The following APBA1 variants were observed in gnomAD, a reference collection of about 807,000 sequenced individuals.
APBA1 encodes the protein amyloid-beta A4 precursor protein-binding family A member 1.
Under a neutral mutation model 86.6 loss-of-function variants are expected in APBA1, and 55 were observed. That is an observed-to-expected ratio of 0.64 (90% CI 0.51 to 0.80). The LOEUF (loss-of-function observed/expected upper bound fraction) is 0.80, where lower values mean the gene tolerates loss of function less well. APBA1 is among the 30% of genes least tolerant of loss of function. The pLI, the probability that APBA1 is intolerant of heterozygous loss-of-function variation, is 0.00. For synonymous variants in APBA1, 511 were observed against 493.9 expected (o/e 1.03, Z -0.46); for missense variants, 1,090 against 1,183.0 (o/e 0.92, Z 1.15).
chr9:69,642,764 T>C (rs1823313914), intron 1 of APBA1, among the ~76,000 whole-genome samples: 1 of 151,758 alleles, frequency 6.6e-6, no homozygotes, highest in Non-Finnish European at 1.5e-5. Flanking sequence ...CACTATAATA[T>C]AAGTGGGCTT....
At chr9:69,500,353 T>C (rs1031164454) in intron 2 of APBA1, among the ~76,000 whole-genome samples, 4 of 152,126 alleles carry the variant, frequency 2.6e-5, no homozygotes, top group African/African-American at 7.2e-5. Flanking sequence ...CATTTCCATA[T>C]AGGACTCGAT....
At chr9:69,542,032 T>A (rs996704556) in intron 1 of APBA1, among the ~76,000 whole-genome samples, 5 of 152,134 alleles carry the variant, frequency 3.3e-5, no homozygotes, top group Non-Finnish European at 2.9e-5. Flanking sequence ...GAAAATAGTT[T>A]AAAAATATAT....
At chr9:69,639,734 C>T (rs1040924270) in intron 1 of APBA1, among the ~76,000 whole-genome samples, 2 of 152,136 alleles carry the variant, frequency 1.3e-5, no homozygotes, top group Admixed American at 1.3e-4. Context: ...ATTTACTCTG[C>T]CTTGCTAGTA....
intron 1 of APBA1, among the ~76,000 whole-genome samples, chr9:69,623,553 C>T (rs1822869229): frequency 6.6e-6 from 1 of 152,134 alleles, no homozygotes; most frequent in African/African-American, 2.4e-5. Flanking sequence ...CCCAACCTCA[C>T]AATTTTGCAA....
intron 2 of APBA1, among the ~76,000 whole-genome samples, chr9:69,496,527 G>A (rs544803404): frequency 2.0e-5 from 3 of 152,046 alleles, no homozygotes; most frequent in Non-Finnish European, 2.9e-5. Context: ...GGTGTCCTCA[G>A]GCACTGCCCT....
At chr9:69,569,812 C>T (rs1270839115) in intron 1 of APBA1, among the ~76,000 whole-genome samples, 2 of 152,068 alleles carry the variant, frequency 1.3e-5, no homozygotes, top group African/African-American at 4.8e-5. Context: ...CAAAAATGGC[C>T]CAAAAACTTG....
chr9:69,505,248 G>A (rs970673736), intron 2 of APBA1, among the ~76,000 whole-genome samples: 3 of 152,108 alleles, frequency 2.0e-5, no homozygotes, highest in African/African-American at 7.2e-5. Context: ...ATCTTGTGAG[G>A]CTGCTCCCTT....
chr9:69,536,550 A>G (rs1171803388), intron 1 of APBA1, among the ~76,000 whole-genome samples: 1 of 151,578 alleles, frequency 6.6e-6, no homozygotes, highest in Non-Finnish European at 1.5e-5. Context: ...CTACCTTTAA[A>G]TATACAATTC....
chr9:69,436,095 T>C (rs940304977), intron 11 of APBA1, among the ~76,000 whole-genome samples: 8 of 150,446 alleles, frequency 5.3e-5, no homozygotes, highest in African/African-American at 2.0e-4. Flanking sequence ...GTTGTAGATA[T>C]GTGGCATTAT....
At chr9:69,593,982 C>T (rs1253169691) in intron 1 of APBA1, among the ~76,000 whole-genome samples, 1 of 152,158 alleles carries the variant, frequency 6.6e-6, no homozygotes, top group East Asian at 1.9e-4. Context: ...ATTACATTTG[C>T]ATAACAGCAG....
At chr9:69,457,759 T>G (rs2133816907) in intron 6 of APBA1, among the ~76,000 whole-genome samples, 1 of 152,292 alleles carries the variant, frequency 6.6e-6, no homozygotes, top group South Asian at 2.1e-4. Context: ...AGGGCTTAAC[T>G]CTGTACATGT....
At chr9:69,634,551 G>A (rs1040922690) in intron 1 of APBA1, among the ~76,000 whole-genome samples, 2 of 152,160 alleles carry the variant, frequency 1.3e-5, no homozygotes, top group African/African-American at 4.8e-5. Context: ...GAGGTAGAAA[G>A]TTTATTCAAA....
intron 1 of APBA1, among the ~76,000 whole-genome samples, chr9:69,642,744 G>A (rs1823313475): frequency 6.6e-6 from 1 of 151,806 alleles, no homozygotes; most frequent in South Asian, 2.1e-4. Flanking sequence ...TTTGAGTAAA[G>A]CAGATTGCCC....
chr9:69,593,773 A>C (rs909416666), intron 1 of APBA1, among the ~76,000 whole-genome samples: 1 of 152,246 alleles, frequency 6.6e-6, no homozygotes, highest in African/African-American at 2.4e-5. Flanking sequence ...GATTAAAATA[A>C]AATTAAGCAA....
chr9:69,452,344 G>A (rs1380731701), intron 8 of APBA1, 43 bp from the exon 9 acceptor site: 1 of 1,591,596 alleles, frequency 6.3e-7, no homozygotes, highest in Non-Finnish European at 8.6e-7. Context: ...GCAGGGCAGT[G>A]CACCTGGTGA....
chr9:69,585,682 C>G (rs1822004269), intron 1 of APBA1, among the ~76,000 whole-genome samples: 1 of 152,196 alleles, frequency 6.6e-6, no homozygotes, highest in Non-Finnish European at 1.5e-5. Flanking sequence ...TTGACTGTTT[C>G]TGATCTGTAC....
intron 10 of APBA1, among the ~76,000 whole-genome samples, chr9:69,444,598 G>A (rs1178715731): frequency 6.6e-6 from 1 of 152,116 alleles, no homozygotes; most frequent in Non-Finnish European, 1.5e-5. Context: ...CCTTTAATGT[G>A]TTTATTCCTA....
intron 1 of APBA1, among the ~76,000 whole-genome samples, chr9:69,657,600 C>T (rs1823637137): frequency 6.6e-6 from 1 of 152,216 alleles, no homozygotes; most frequent in South Asian, 2.1e-4. Context: ...TTCATTCTGA[C>T]TAACATAGCA....
intron 1 of APBA1, among the ~76,000 whole-genome samples, chr9:69,539,850 G>A (rs1836575238): frequency 6.6e-6 from 1 of 152,092 alleles, no homozygotes; most frequent in South Asian, 2.1e-4. Flanking sequence ...CGGGGGCAGT[G>A]GCTGACACCT....
Sources: allele counts gnomAD v4.1 joint callset (sites outside exome capture counted in the v4.1 genomes callset), GRCh38; gene constraint gnomAD v4.1.1; transcripts MANE v1.5; gene names NCBI Gene and HGNC (gene_info 2026-07-23, HGNC 2026-07-21).